The following MTHFD1L variants were observed in gnomAD, a reference collection of about 807,000 sequenced individuals.
The protein encoded by MTHFD1L is monofunctional C1-tetrahydrofolate synthase, mitochondrial.
A neutral mutation model predicts 119.5 loss-of-function variants in MTHFD1L; 81 were observed. The ratio of observed to expected loss-of-function variants is 0.68; its 90% CI spans 0.57 to 0.82. MTHFD1L has a LOEUF of 0.82. Among genes scored for constraint, MTHFD1L ranks in the 40% least tolerant of loss-of-function variants. The pLI, the probability that MTHFD1L is intolerant of heterozygous loss-of-function variation, is 0.00. For synonymous variants in MTHFD1L, 430 were observed against 475.2 expected (o/e 0.90, Z 1.24); for missense variants, 1,125 against 1,253.4 (o/e 0.90, Z 1.55).
chr6:151,072,262 A>G (rs1792034041), intron 26 of MTHFD1L, among the ~76,000 whole-genome samples: 1 of 152,188 alleles, frequency 6.6e-6, no homozygotes, highest in Non-Finnish European at 1.5e-5. Context: ...AAGCAATTTC[A>G]TTTTAAGCTC....
chr6:150,919,744 A>T (rs890436726), intron 9 of MTHFD1L, among the ~76,000 whole-genome samples: 1 of 152,178 alleles, frequency 6.6e-6, no homozygotes, highest in Non-Finnish European at 1.5e-5. Context: ...GAGGGAGATG[A>T]TGCTAAACCA....
intron 26 of MTHFD1L, among the ~76,000 whole-genome samples, chr6:151,049,766 T>C (rs1788727335): frequency 6.6e-6 from 1 of 152,140 alleles, no homozygotes; most frequent in African/African-American, 2.4e-5. Context: ...TACAGAGGTG[T>C]TATGATATAT....
At chr6:151,065,200 C>G (rs1472325489) in intron 26 of MTHFD1L, among the ~76,000 whole-genome samples, 1 of 152,172 alleles carries the variant, frequency 6.6e-6, no homozygotes, top group African/African-American at 2.4e-5. Flanking sequence ...AGTCTGACAG[C>G]TAGGGGCATG....
chr6:151,028,022 G>A (rs996129316), intron 24 of MTHFD1L, among the ~76,000 whole-genome samples: 12 of 152,132 alleles, frequency 7.9e-5, no homozygotes, highest in East Asian at 1.9e-4. Flanking sequence ...CGAGGTTGAG[G>A]CCAAGCATCA....
chr6:150,885,304 C>A (rs950709756), intron 5 of MTHFD1L, among the ~76,000 whole-genome samples: 1 of 151,706 alleles, frequency 6.6e-6, no homozygotes, highest in African/African-American at 2.4e-5. Context: ...TCAAGCGATC[C>A]TCCTGCCTCA....
intron 18 of MTHFD1L, among the ~76,000 whole-genome samples, chr6:150,963,579 C>A (rs141075992): frequency 6.6e-6 from 1 of 152,092 alleles, no homozygotes; most frequent in Non-Finnish European, 1.5e-5. Context: ...AGAAACCAAT[C>A]ACATGAGAGA....
intron 24 of MTHFD1L, among the ~76,000 whole-genome samples, chr6:151,028,732 C>T (rs1392801849): frequency 6.6e-6 from 1 of 152,134 alleles, no homozygotes; most frequent in Non-Finnish European, 1.5e-5. Flanking sequence ...GGTTGCCCGA[C>T]ACCATAAATG....
chr6:150,885,863 T>G lies in MTHFD1L; in HGVS notation c.643+129T>G, dbSNP rs148935950. On this transcript the variant is annotated intron_variant, in intron 6 of 27. Coordinates refer to ENST00000367321, the MANE Select transcript of MTHFD1L (RefSeq NM_015440.5). ...TTATTCTGATATCCTTTTAGGATGTTTCTAGAAGATTCTAATTGAACATAG... is the reference window on the plus strand; with the variant it reads ...TTATTCTGATATCCTTTTAGGATGTGTCTAGAAGATTCTAATTGAACATAG... 1.5e-3 allele frequency: 945 copies of G among 637,310 alleles called. 5 individuals carry two copies. The African/African-American group carries it at 0.016, about 11-fold the overall frequency. The allele number at this position is 637,310 out of a possible 1,614,324, so 39.5% of individuals were successfully genotyped here.
At chr6:150,980,987 A>G (rs955807726) in intron 20 of MTHFD1L, among the ~76,000 whole-genome samples, 1 of 152,164 alleles carries the variant, frequency 6.6e-6, no homozygotes, top group East Asian at 1.9e-4. Flanking sequence ...GGCAAGAGAA[A>G]TACCTAACAT....
intron 20 of MTHFD1L, among the ~76,000 whole-genome samples, chr6:150,985,660 C>CAAAAAA (rs71014533): frequency 3.9e-4 from 31 of 78,878 alleles, no homozygotes; most frequent in Admixed American, 5.6e-4. Context: ...GACTCTGTCT[C>CAAAAAA]AAAAAAAAAA....
chr6:151,090,581 C>T (rs1213673680), intron 26 of MTHFD1L, among the ~76,000 whole-genome samples: 9 of 152,212 alleles, frequency 5.9e-5, no homozygotes, highest in South Asian at 2.1e-4. Context: ...CCTCGAGTCA[C>T]GACTGAAAGG....
chr6:150,967,638 G>A (rs1318120961), intron 19 of MTHFD1L, among the ~76,000 whole-genome samples: 1 of 152,132 alleles, frequency 6.6e-6, no homozygotes, highest in Non-Finnish European at 1.5e-5. Context: ...GAAACCCGAG[G>A]ATGATCCTAG....
At chr6:150,949,181 G>A (rs372375803) in intron 16 of MTHFD1L, 48 bp downstream of exon 16, 30 of 1,492,758 alleles carry the variant, frequency 2.0e-5, no homozygotes, top group East Asian at 9.0e-5. Flanking sequence ...GTGGGGAGGC[G>A]TGTTCGAGCC....
At position 150,878,823 on chromosome 6, in the gene MTHFD1L, A is replaced by T. The variant is rs559508847; in HGVS notation, c.417+997A>T. On this transcript the variant is annotated intron_variant, in intron 4 of 27. Coordinates refer to ENST00000367321, the MANE Select transcript of MTHFD1L (RefSeq NM_015440.5). ...GGTGAGTCTTATTTGAGTCCTATGG[A>T]GAAGAGCAGTTCTTTGCAGTACACA... 2.0e-5 allele frequency among the ~76,000 whole-genome samples: 3 copies of T among 152,298 alleles called. No homozygotes were observed. The South Asian group carries it at 6.2e-4, about 32-fold the overall frequency.
At chr6:150,935,264 G>A (rs1791860199) in intron 11 of MTHFD1L, 1 of 1,611,822 alleles carries the variant, frequency 6.2e-7, no homozygotes, top group Non-Finnish European at 8.5e-7. Flanking sequence ...TGTATTTGTT[G>A]TGGACTCTGT....
At chr6:151,006,407 C>T (rs1296367276) in intron 20 of MTHFD1L, among the ~76,000 whole-genome samples, 3 of 151,876 alleles carry the variant, frequency 2.0e-5, no homozygotes, top group Non-Finnish European at 2.9e-5. Flanking sequence ...TACAGAGGCA[C>T]GAAGTCTGAG....
At chr6:150,922,651 T>C (rs1338057127) in intron 10 of MTHFD1L, among the ~76,000 whole-genome samples, 1 of 130,766 alleles carries the variant, frequency 7.6e-6, no homozygotes, top group Non-Finnish European at 1.8e-5. Context: ...CCCACCCTTT[T>C]TTTTTTTTTT....
chr6:151,051,149 G>A (rs1788962792), intron 26 of MTHFD1L, among the ~76,000 whole-genome samples: 2 of 152,160 alleles, frequency 1.3e-5, no homozygotes, highest in African/African-American at 4.8e-5. Context: ...TGTTATTGAA[G>A]GAGCTCCTTA....
At chr6:150,883,320 C>T (rs1375839606) in intron 5 of MTHFD1L, among the ~76,000 whole-genome samples, 3 of 152,114 alleles carry the variant, frequency 2.0e-5, no homozygotes, top group Admixed American at 2.0e-4. Context: ...CGTGAGCCAC[C>T]GTGTCTGGCC....
Sources: gnomAD v4.1 joint callset for allele counts (sites outside exome capture counted in the v4.1 genomes callset) on GRCh38, gnomAD v4.1.1 for gene constraint, MANE v1.5 for transcripts, NCBI Gene and HGNC (gene_info 2026-07-23, HGNC 2026-07-21) for gene names.